HGSNAT: variants seen among roughly 807,000 people sequenced by gnomAD.
HGSNAT encodes the protein transmembrane protein 76.
In HGSNAT, 59 loss-of-function variants were observed where a neutral mutation model predicts 85.2. That is an observed-to-expected ratio of 0.69 (90% CI 0.56 to 0.86). HGSNAT has a LOEUF of 0.86. Among genes scored for constraint, HGSNAT ranks in the 40% least tolerant of loss-of-function variants. The pLI, the probability that HGSNAT is intolerant of heterozygous loss-of-function variation, is 0.00. For synonymous variants in HGSNAT, 321 were observed against 304.5 expected (o/e 1.05, Z -0.56); for missense variants, 756 against 777.1 (o/e 0.97, Z 0.32).
chr8:43,147,107 T>C (rs1345879599), intron 2 of HGSNAT, 44 bp downstream of exon 2: 3 of 1,131,892 alleles, frequency 2.7e-6, no homozygotes, highest in Non-Finnish European at 3.9e-6. Flanking sequence ...TTGGGGCTTG[T>C]TTGATATGAT....
At chr8:43,150,348 C>T (rs542529958) in intron 2 of HGSNAT, among the ~76,000 whole-genome samples, 2 of 152,158 alleles carry the variant, frequency 1.3e-5, no homozygotes, top group East Asian at 1.9e-4. Context: ...AGACTGAGCC[C>T]TGCGAGGTAG....
rs539762524 is a variant in HGSNAT, at chr8:43,156,144, A to C, written c.235-2431A>C. Among the ~76,000 whole-genome samples, 116 of 152,240 alleles carry C rather than the reference A, an allele frequency of 7.6e-4. 1 individual carries two copies. Among genetic ancestry groups the C allele is most frequent in the Non-Finnish European group, 1.3e-3 (88 of 68,012 alleles). ...CATGAGCCACTGTGCCCAGTCACCT[A>C]CTTTTTTGATGTAGACATTTATTGC... On this transcript the variant is annotated intron_variant, in intron 2 of 17. Transcript: ENST00000379644.
intron 9 of HGSNAT, 82 bp downstream of exon 9, chr8:43,173,825 T>C (rs962261857): frequency 1.4e-6 from 2 of 1,427,158 alleles, no homozygotes; most frequent in African/African-American, 2.8e-5. Context: ...GCCTCTCTTC[T>C]GAGACGGGCA....
intron 14 of HGSNAT, 167 bp from the exon 15 acceptor site, chr8:43,196,781 C>T (rs909810707): frequency 8.0e-6 from 5 of 623,678 alleles, no homozygotes; most frequent in African/African-American, 7.3e-5. Context: ...TGTTAGTCTC[C>T]ACTAGTCAAA....
chr8:43,187,129 G>A (rs1327838381), intron 11 of HGSNAT, among the ~76,000 whole-genome samples: 5 of 152,308 alleles, frequency 3.3e-5, no homozygotes, highest in Admixed American at 2.0e-4. Flanking sequence ...TTGATTTGAG[G>A]TGGAGAGTTC....
At chr8:43,142,075 A>AG (rs987501996) in intron 1 of HGSNAT, among the ~76,000 whole-genome samples, 13 of 152,152 alleles carry the variant, frequency 8.5e-5, no homozygotes, top group African/African-American at 2.9e-4. Context: ...ATTTGCTTGA[A>AG]GAAAAAAAAA....
intron 14 of HGSNAT, chr8:43,196,577 C>G: frequency 3.4e-6 from 4 of 1,181,158 alleles, no homozygotes; most frequent in Non-Finnish European, 3.4e-6. Context: ...ACCTGGGCTT[C>G]TGCATTCCCT....
At chr8:43,156,843 C>CT (rs1803110564) in intron 2 of HGSNAT, among the ~76,000 whole-genome samples, 1 of 152,006 alleles carries the variant, frequency 6.6e-6, no homozygotes, top group Non-Finnish European at 1.5e-5. Context: ...TACTCTTGAC[C>CT]TTTTTTGTTT....
intron 6 of HGSNAT, among the ~76,000 whole-genome samples, 181 bp from the exon 7 acceptor site, chr8:43,170,404 C>A (rs1236249058): frequency 6.6e-6 from 1 of 152,114 alleles, no homozygotes; most frequent in Non-Finnish European, 1.5e-5. Flanking sequence ...CGCTTGACCC[C>A]AGGAGGTGGA....
intron 2 of HGSNAT, among the ~76,000 whole-genome samples, chr8:43,147,348 C>G (rs1385323462): frequency 2.0e-5 from 3 of 152,124 alleles, no homozygotes; most frequent in Non-Finnish European, 4.4e-5. Flanking sequence ...GTGCATAACC[C>G]TCTTGCTGGA....
intron 5 of HGSNAT, among the ~76,000 whole-genome samples, chr8:43,164,730 C>T (rs964324496): frequency 1.3e-5 from 2 of 152,184 alleles, no homozygotes; most frequent in African/African-American, 4.8e-5. Context: ...TGCAGTGAGC[C>T]GAGATCGCGC....
chr8:43,168,541 C>A (rs148538450), intron 5 of HGSNAT, among the ~76,000 whole-genome samples: 10 of 151,746 alleles, frequency 6.6e-5, no homozygotes, highest in Admixed American at 5.9e-4. Flanking sequence ...GGATTACAGG[C>A]GTGTACCACC....
intron 14 of HGSNAT, chr8:43,196,473 C>G (rs1804730913): frequency 7.8e-7 from 1 of 1,289,688 alleles, no homozygotes; most frequent in Non-Finnish European, 1.0e-6. Context: ...CTGACGGAAC[C>G]CTTGTCACCT....
At chr8:43,183,213 C>G (rs1238032908) in intron 11 of HGSNAT, among the ~76,000 whole-genome samples, 2 of 152,236 alleles carry the variant, frequency 1.3e-5, no homozygotes, top group African/African-American at 4.8e-5. Context: ...GTTACCCAGG[C>G]TGGAGTGCAG....
At chr8:43,143,155 C>A (rs1370650259) in intron 1 of HGSNAT, among the ~76,000 whole-genome samples, 1 of 152,116 alleles carries the variant, frequency 6.6e-6, no homozygotes, top group Non-Finnish European at 1.5e-5. Context: ...TATGCAAATA[C>A]CTCAGAAGGT....
At position 43,201,807 on chromosome 8, in the gene HGSNAT, A is replaced by G. The variant is rs1804925041; in HGVS notation, c.*2238A>G. 1 of 152,240 alleles carries G rather than the reference A, an allele frequency of 6.6e-6. No individual in the cohort carries two copies. Among genetic ancestry groups the G allele is most frequent in the Admixed American group, 6.5e-5 (1 of 15,284 alleles). The allele number at this position is 152,240 out of a possible 1,614,324, so 9.4% of individuals were successfully genotyped here. The stretch of plus-strand genomic sequence containing the variant: ...GTGCCTTCTACATTGCAGGCGCTGA[A>G]TAAACATTTTTAAAGCAAAATGATG... On this transcript the variant is annotated 3_prime_UTR_variant, in exon 18 of 18. Transcript: ENST00000379644. The surrounding 1 kb of genome is among the most constrained non-coding windows in gnomAD (Gnocchi z 4.4).
At position 43,140,646 on chromosome 8, in the gene HGSNAT, G is replaced by C. The variant is rs144225438; in HGVS notation, c.118+32G>C. 6.3e-3 allele frequency: 6,942 copies of C among 1,096,746 alleles called. 36 individuals carry two copies. The highest frequency in any genetic ancestry group is 0.014 in the South Asian group (555 of 38,952). 67.9% of individuals were successfully genotyped at this position (1,096,746 alleles called of 1,614,324 possible). A position where few individuals can be genotyped will look rare whatever the true frequency, so the allele number is the denominator to read the frequency against. ...GCACACCTCCTACCGCCGCCCGGCC[G>C]GCTACGAGCGCAGCGTCTCCTCTCC... On this transcript the variant is annotated intron_variant, in intron 1 of 17. Transcript: ENST00000379644.
At chr8:43,159,459 G>A (rs1333464807) in intron 4 of HGSNAT, among the ~76,000 whole-genome samples, 11 of 152,148 alleles carry the variant, frequency 7.2e-5, no homozygotes, top group South Asian at 4.2e-4. Context: ...CTGGCGATGC[G>A]TGCCTGTAGT....
At chr8:43,176,875 C>T (rs546136917) in intron 9 of HGSNAT, among the ~76,000 whole-genome samples, 3 of 152,242 alleles carry the variant, frequency 2.0e-5, no homozygotes, top group East Asian at 3.9e-4. Flanking sequence ...AGAAATGCTA[C>T]TGATTTTTGT....
Sources: gnomAD v4.1 joint callset for allele counts (sites outside exome capture counted in the v4.1 genomes callset) on GRCh38, gnomAD v4.1.1 for gene constraint, Gnocchi (gnomAD v3.1) non-coding constraint, MANE v1.5 for transcripts, NCBI Gene and HGNC (gene_info 2026-07-23, HGNC 2026-07-21) for gene names.